Variants in SDK1 observed in about 807,000 individuals in gnomAD.
SDK1 encodes sidekick cell adhesion molecule 1.
A neutral mutation model predicts 245.5 loss-of-function variants in SDK1; 157 were observed. The ratio of observed to expected loss-of-function variants is 0.64; its 90% confidence interval spans 0.56 to 0.73. The LOEUF (loss-of-function observed/expected upper bound fraction) is 0.73. Among genes scored for constraint, SDK1 ranks in the 30% least tolerant of loss-of-function variants. SDK1 has a pLI of 0.00. For missense variants in SDK1, 3,583 were observed against 3,002.3 expected (o/e 1.19, Z -4.52); for synonymous variants, 1,647 against 1,278.5 (o/e 1.29, Z -6.15).
intron 14 of SDK1, among the ~76,000 whole-genome samples, chr7:4,004,034 C>T (rs946613551): frequency 1.3e-5 from 2 of 152,260 alleles, no homozygotes; most frequent in Non-Finnish European, 2.9e-5. Context: ...TGAGCCTTCA[C>T]TCCATCCATT....
chr7:3,821,508 G>C lies in SDK1; in HGVS notation c.772G>C (p.Ala258Pro). ...ILATTTSDAG[A>P]YYVQAVNEKN... is the part of the protein sequence containing the mutation. ...CGCCACCACAACCAGTGATGCCGGG[G>C]CATACTACGTGCAGGCCGTGAATGA... is the stretch of plus-strand genomic sequence containing the variant. The change falls in exon 5 of 45, where the codon GCA becomes CCA. Residue 258 changes from alanine to proline, a missense_variant. Coordinates refer to ENST00000404826, the MANE Select transcript of SDK1 (RefSeq NM_152744.4). 6.2e-7 allele frequency: 1 copy of C among 1,613,846 alleles called. No individual in the cohort carries two copies. The highest frequency in any genetic ancestry group is 8.5e-7 in the Non-Finnish European group (1 of 1,179,886).
At chr7:3,375,018 T>C (rs945402083) in intron 1 of SDK1, among the ~76,000 whole-genome samples, 2 of 152,226 alleles carry the variant, frequency 1.3e-5, no homozygotes, top group African/African-American at 4.8e-5. Context: ...TAAATATTTT[T>C]TAGTGAATTA....
chr7:3,895,049 T>C (rs1004420451), intron 5 of SDK1, among the ~76,000 whole-genome samples: 13 of 152,194 alleles, frequency 8.5e-5, no homozygotes, highest in Non-Finnish European at 1.5e-4. Context: ...TTCATTCCTC[T>C]AAAAATATTG....
At chr7:4,209,076 C>T (rs1043659047) in intron 37 of SDK1, among the ~76,000 whole-genome samples, 9 of 152,182 alleles carry the variant, frequency 5.9e-5, no homozygotes, top group African/African-American at 2.2e-4. Context: ...CAATGGACTC[C>T]GGGAATCAGG....
At chr7:4,022,911 C>T (rs1479976948) in intron 17 of SDK1, among the ~76,000 whole-genome samples, 1 of 151,698 alleles carries the variant, frequency 6.6e-6, no homozygotes, top group African/African-American at 2.4e-5. Context: ...GTAGCTGGGA[C>T]CACAGGCGCC....
At chr7:4,136,740 C>G (rs568441539) in intron 28 of SDK1, among the ~76,000 whole-genome samples, 3 of 152,348 alleles carry the variant, frequency 2.0e-5, no homozygotes, top group South Asian at 2.1e-4. Context: ...TGGCCAGACA[C>G]GCGGGATCCC....
At chr7:3,375,407 ATGGTTGG>A (rs994125752) in intron 1 of SDK1, among the ~76,000 whole-genome samples, 1 of 152,096 alleles carries the variant, frequency 6.6e-6, no homozygotes, top group Non-Finnish European at 1.5e-5. Flanking sequence ...TGTAAAATAG[ATGGTTGG>A]TTATCAGCCT....
Position 3,765,330 on chromosome 7 carries a change from C to G in SDK1, c.714-56120C>G, listed in dbSNP as rs1382633152. On this transcript the variant is annotated intron_variant, in intron 4 of 44. Coordinates refer to ENST00000404826, the MANE Select transcript of SDK1 (RefSeq NM_152744.4). ...TTTAAAATATATGCCCATGAAAATA[C>G]CATCCAGATAGGGAAATACAGTATT... is the stretch of plus-strand genomic sequence containing the variant. Among the ~76,000 whole-genome samples, 3 of 152,128 alleles carry G rather than the reference C, an allele frequency of 2.0e-5. No homozygotes were observed. The East Asian group carries it at 5.8e-4, about 29-fold the overall frequency.
At chr7:4,025,581 C>G (rs1257159672) in intron 17 of SDK1, among the ~76,000 whole-genome samples, 1 of 152,188 alleles carries the variant, frequency 6.6e-6, no homozygotes, top group Non-Finnish European at 1.5e-5. Context: ...GCAGGCCTGT[C>G]TTTCCTGCTA....
chr7:4,159,059 C>T (rs1780951347), intron 31 of SDK1, among the ~76,000 whole-genome samples: 1 of 152,208 alleles, frequency 6.6e-6, no homozygotes, highest in South Asian at 2.1e-4. Context: ...GCAGCTCTAT[C>T]AGCCGCGTCC....
intron 4 of SDK1, among the ~76,000 whole-genome samples, chr7:3,809,990 C>T (rs1779346894): frequency 1.3e-5 from 2 of 152,214 alleles, no homozygotes; most frequent in African/African-American, 4.8e-5. Context: ...GCACAGTCCT[C>T]CCAGGAATAT....
At chr7:3,599,663 A>AT (rs1427765144) in intron 1 of SDK1, among the ~76,000 whole-genome samples, 1 of 151,990 alleles carries the variant, frequency 6.6e-6, no homozygotes, top group Admixed American at 6.6e-5. Flanking sequence ...TAAATGTTTG[A>AT]TTTTTTGCCT....
chr7:4,114,015 G>T (rs750945967), intron 24 of SDK1, 22 bp from the exon 25 acceptor site: 1 of 1,603,122 alleles, frequency 6.2e-7, no homozygotes, highest in South Asian at 1.1e-5. Context: ...TCAGCTCATC[G>T]CGACTCCTCG....
intron 4 of SDK1, among the ~76,000 whole-genome samples, chr7:3,807,585 G>A (rs1779283623): frequency 1.3e-5 from 2 of 152,152 alleles, no homozygotes; most frequent in South Asian, 4.1e-4. Context: ...ACGAAGACAG[G>A]CACACAGAGA....
chr7:4,100,833 C>T (rs977218034), intron 22 of SDK1, among the ~76,000 whole-genome samples: 31 of 152,106 alleles, frequency 2.0e-4, no homozygotes, highest in Admixed American at 6.5e-4. Flanking sequence ...CAGCAAGAGC[C>T]GTGAATTGGA....
rs1783380691 is a variant in SDK1, at chr7:4,111,986, TCA to T, written c.3434+1217_3434+1218del. ...TCTCACAGTTACTCACTGGATGGAA[TCA>T]CAGAGTGTGGTGTGAGCGGATAGAG... On this transcript the variant is annotated intron_variant, in intron 23 of 44. Transcript: ENST00000404826. Among the ~76,000 whole-genome samples, 7 of 152,330 alleles carry T rather than the reference TCA, an allele frequency of 4.6e-5. 1 individual carries two copies. The South Asian group carries it at 1.5e-3, about 32-fold the overall frequency.
chr7:3,837,167 G>A (rs1294951500), intron 5 of SDK1, among the ~76,000 whole-genome samples: 3 of 152,122 alleles, frequency 2.0e-5, no homozygotes, highest in African/African-American at 7.2e-5. Flanking sequence ...AGTCCATAAC[G>A]ACTTACACAT....
intron 22 of SDK1, among the ~76,000 whole-genome samples, chr7:4,102,482 AG>A (rs1321789403): frequency 1.5e-4 from 23 of 152,016 alleles, no homozygotes; most frequent in Admixed American, 1.5e-3. Context: ...CTCTGGATGG[AG>A]GGGGGCCACC....
intron 4 of SDK1, among the ~76,000 whole-genome samples, chr7:3,756,103 C>T (rs1314810975): frequency 2.7e-5 from 4 of 149,004 alleles, no homozygotes; most frequent in South Asian, 2.1e-4. Flanking sequence ...GTGACACATG[C>T]ATATCATTGA....
Sources: allele counts gnomAD v4.1 joint callset (sites outside exome capture counted in the v4.1 genomes callset), GRCh38; gene constraint gnomAD v4.1.1; transcripts MANE v1.5; gene names NCBI Gene and HGNC (gene_info 2026-07-23, HGNC 2026-07-21).